The following SKA2 variants were observed in gnomAD, a reference collection of about 807,000 sequenced individuals.
SKA2 encodes spindle and kinetochore associated complex subunit 2, also known as spindle and kinetochore-associated protein 2.
A neutral mutation model predicts 16.9 loss-of-function variants in SKA2; 13 were observed. The observed-to-expected ratio is 0.77, with a 90% confidence interval of 0.50 to 1.22. The LOEUF (loss-of-function observed/expected upper bound fraction) is 1.22, where lower values mean the gene tolerates loss of function less well. Among genes scored for constraint, SKA2 ranks in the 50% most tolerant of loss-of-function variants. The pLI, the probability that SKA2 is intolerant of heterozygous loss-of-function variation, is 0.00. For synonymous variants in SKA2, 47 were observed against 48.5 expected (o/e 0.97, Z 0.13); for missense variants, 107 against 139.7 (o/e 0.77, Z 1.18).
chr17:59,113,231 A>T (rs1397602550), intron 3 of SKA2, among the ~76,000 whole-genome samples: 1 of 151,764 alleles, frequency 6.6e-6, no homozygotes, highest in African/African-American at 2.4e-5. Flanking sequence ...TTAAGAAAAG[A>T]AAAAAGAGGC....
chr17:59,150,472 C>T (rs1403935376), intron 1 of SKA2, among the ~76,000 whole-genome samples: 1 of 152,122 alleles, frequency 6.6e-6, no homozygotes, highest in Admixed American at 6.6e-5. Context: ...CACAGTGGCT[C>T]ACACCTATAA....
Position 59,155,160 on chromosome 17 carries a change from C to A in SKA2, c.4G>T (p.Glu2Ter), listed in dbSNP as rs1050102876. The part of the protein sequence containing the change: M[E>*]AEVDKLELMF... ...AGTTCCAGCTTATCGACCTCCGCCTCCATGTTGAATAGTTGACATTCCGCA... is the reference window on the plus strand; with the variant it reads ...AGTTCCAGCTTATCGACCTCCGCCTACATGTTGAATAGTTGACATTCCGCA... Residue 2 changes from glutamate (E) to a stop codon, truncating the protein, a stop_gained, in exon 1 of 4, where the codon GAG (glutamate) becomes TAG (stop). Transcript: ENST00000330137. LOFTEE classifies it high-confidence loss of function. The A allele has an allele frequency of 5.6e-6, 9 of 1,613,930 alleles. No homozygotes were observed. In the African/African-American group the frequency reaches 1.2e-4, roughly 22 times the overall value.
intron 1 of SKA2, among the ~76,000 whole-genome samples, chr17:59,150,747 A>G (rs938891592): frequency 5.3e-5 from 8 of 151,516 alleles, no homozygotes; most frequent in Non-Finnish European, 7.4e-5. Context: ...GTCTCTGGAG[A>G]AAAAAAAATG....
chr17:59,154,874 AG>A, intron 1 of SKA2: 1 of 1,472,986 alleles, frequency 6.8e-7, no homozygotes, highest in Non-Finnish European at 9.4e-7. Context: ...GGTGAGGGCA[AG>A]GAACAAGGAA....
chr17:59,143,943 G>T lies in SKA2; in HGVS notation c.33+11188C>A, dbSNP rs2046511941. On this transcript the variant is annotated intron_variant, in intron 1 of 3. Transcript: ENST00000330137. ...GAGGCCGAAGCGGGCGGATCATGAT[G>T]TCAAGAGATTGAGACCATCCCGGCC... Among the ~76,000 whole-genome samples, 3 of 152,226 alleles carry T rather than the reference G, an allele frequency of 2.0e-5. No individual in the cohort carries two copies. In the South Asian group the frequency reaches 6.2e-4, roughly 32 times the overall value.
At chr17:59,152,154 G>C (rs1568313266) in intron 1 of SKA2, among the ~76,000 whole-genome samples, 1 of 152,136 alleles carries the variant, frequency 6.6e-6, no homozygotes, top group Non-Finnish European at 1.5e-5. Context: ...GTAGTACCAC[G>C]AAAGAACAAA....
chr17:59,142,530 T>C (rs2046498533), intron 1 of SKA2, among the ~76,000 whole-genome samples: 1 of 151,812 alleles, frequency 6.6e-6, no homozygotes, highest in African/African-American at 2.4e-5. Flanking sequence ...CCTCAGGTGA[T>C]CCACCCATCT....
intron 1 of SKA2, among the ~76,000 whole-genome samples, chr17:59,149,627 A>T (rs1318365101): frequency 6.6e-6 from 1 of 152,224 alleles, no homozygotes; most frequent in Non-Finnish European, 1.5e-5. Flanking sequence ...TATTCATAAT[A>T]TGCAAAACGT....
rs562749535 is a variant in SKA2 at position 59,149,532 on chromosome 17, A to T, written c.33+5599T>A. Reference sequence around the variant, plus strand: ...AAAGAAAAAGAAAAAAATATTGCTAAAAAAAAAATTAAACAAAGACATTTG... The same window carrying T: ...AAAGAAAAAGAAAAAAATATTGCTATAAAAAAAATTAAACAAAGACATTTG... On this transcript the variant is annotated intron_variant, in intron 1 of 3. Transcript: ENST00000330137. Among the ~76,000 whole-genome samples the T allele has an allele frequency of 1.2e-3, 68 of 55,342 alleles. 1 individual carries two copies. The South Asian group carries it at 0.039, about 32-fold the overall frequency. The allele number at this position is 55,342 out of a possible 152,430, so 36.3% of individuals were successfully genotyped here. A position where few individuals can be genotyped will look rare whatever the true frequency, so the allele number is the denominator to read the frequency against.
chr17:59,123,229 T>C lies in SKA2; in HGVS notation c.121-3734A>G, dbSNP rs1007379031. ...TAAAGTATTTAAACTTTATCTTCCATAGTACAAAATTCTTTTTTTTTTTTT... is the reference window on the plus strand; with the variant it reads ...TAAAGTATTTAAACTTTATCTTCCACAGTACAAAATTCTTTTTTTTTTTTT... On this transcript the variant is annotated intron_variant, in intron 2 of 3. Transcript: ENST00000330137. Among the ~76,000 whole-genome samples, 8 of 141,748 alleles carry C rather than the reference T, an allele frequency of 5.6e-5. No homozygotes were observed. The Admixed American group carries it at 6.1e-4, about 11-fold the overall frequency. 93.0% of individuals were successfully genotyped at this position (141,748 alleles called of 152,430 possible). A position where few individuals can be genotyped will look rare whatever the true frequency, so the allele number is the denominator to read the frequency against.
intron 2 of SKA2, chr17:59,129,460 T>G (rs932876680): frequency 7.5e-5 from 11 of 146,036 alleles, no homozygotes; most frequent in African/African-American, 2.8e-4. Flanking sequence ...AGAAGAAATA[T>G]CACAGGAATC....
At chr17:59,153,119 C>T (rs1262148630) in intron 1 of SKA2, among the ~76,000 whole-genome samples, 1 of 152,092 alleles carries the variant, frequency 6.6e-6, no homozygotes, top group Non-Finnish European at 1.5e-5. Context: ...CTGTAAAAGC[C>T]AGACGAAGTT....
intron 1 of SKA2, among the ~76,000 whole-genome samples, chr17:59,147,007 G>C (rs888750880): frequency 6.6e-6 from 1 of 151,046 alleles, no homozygotes; most frequent in African/African-American, 2.4e-5. Flanking sequence ...TTTTTTTTTG[G>C]GGGGGACGGG....
chr17:59,114,203 T>A (rs1278828179), intron 3 of SKA2, among the ~76,000 whole-genome samples: 1 of 152,144 alleles, frequency 6.6e-6, no homozygotes, highest in Non-Finnish European at 1.5e-5. Context: ...CCTATGCCAA[T>A]CAGATGCACC....
intron 1 of SKA2, among the ~76,000 whole-genome samples, chr17:59,133,009 G>A (rs1171394624): frequency 6.6e-6 from 1 of 152,164 alleles, no homozygotes; most frequent in Non-Finnish European, 1.5e-5. Context: ...ACAGGGTCTT[G>A]CTCTATAGCC....
chr17:59,115,646 C>T (rs2046291541), intron 3 of SKA2, among the ~76,000 whole-genome samples: 1 of 152,156 alleles, frequency 6.6e-6, no homozygotes, highest in South Asian at 2.1e-4. Flanking sequence ...CAGGCTGGAG[C>T]GCAGTGGTGC....
intron 1 of SKA2, among the ~76,000 whole-genome samples, chr17:59,134,020 T>A (rs8073316): frequency 0.33 from 50,756 of 151,998 alleles, 8,774 homozygotes; most frequent in African/African-American, 0.42. Flanking sequence ...ACTTGTCAGA[T>A]GAGATGCCAC....
rs1346514293 is a variant in SKA2 at position 59,110,695 on chromosome 17, C to T, written c.*1582G>A. The stretch of plus-strand genomic sequence containing the variant: ...ATCCCAGCTACTCGGGAGGGTGGGG[C>T]AGAGAACTGCTTGAACCTGGGAGGT... On this transcript the variant is annotated 3_prime_UTR_variant, in exon 4 of 4. Transcript: ENST00000330137. 7.0e-6 allele frequency: 1 copy of T among 143,596 alleles called. No individual in the cohort carries two copies. The highest frequency in any genetic ancestry group is 2.6e-5 in the African/African-American group (1 of 38,430). The allele number at this position is 143,596 out of a possible 1,614,324, so 8.9% of individuals were successfully genotyped here. A position where few individuals can be genotyped will look rare whatever the true frequency, so the allele number is the denominator to read the frequency against.
intron 1 of SKA2, 59 bp from the exon 2 acceptor site, chr17:59,131,426 C>A: frequency 8.9e-7 from 1 of 1,124,570 alleles, no homozygotes; most frequent in Non-Finnish European, 1.2e-6. Flanking sequence ...AAACATGATA[C>A]TTTATTCTTT....
Sources: allele counts gnomAD v4.1 joint callset (sites outside exome capture counted in the v4.1 genomes callset), GRCh38; gene constraint gnomAD v4.1.1; transcripts MANE v1.5; gene names NCBI Gene and HGNC (gene_info 2026-07-23, HGNC 2026-07-21).